Variants in NCEH1 observed in about 807,000 individuals in gnomAD.
NCEH1 encodes the protein 2-acetyl MAGE hydrolase.
NCEH1 carries 9 observed loss-of-function variants against 25.4 expected under a neutral mutation model. The ratio of observed to expected loss-of-function variants is 0.35; its 90% CI spans 0.21 to 0.62. NCEH1 has a LOEUF of 0.62. Among genes scored for constraint, NCEH1 ranks in the 20% least tolerant of loss-of-function variants. The pLI is 0.72. For synonymous variants in NCEH1, 200 were observed against 199.8 expected (o/e 1.00, Z -0.01); for missense variants, 412 against 501.1 (o/e 0.82, Z 1.70).
intron 1 of NCEH1, chr3:172,680,776 A>C (rs1712322604): frequency 6.6e-6 from 1 of 152,396 alleles, no homozygotes; most frequent in Non-Finnish European, 1.5e-5. Context: ...TGGGAGTCAT[A>C]GATTAAGCGT....
chr3:172,702,627 T>TA (rs1270418873), intron 1 of NCEH1, among the ~76,000 whole-genome samples: 1 of 152,234 alleles, frequency 6.6e-6, no homozygotes, highest in Non-Finnish European at 1.5e-5. Context: ...GAGAGCTTGT[T>TA]AAAATTTCAC....
chr3:172,665,074 G>A (rs542754762), intron 1 of NCEH1, among the ~76,000 whole-genome samples: 15 of 152,260 alleles, frequency 9.9e-5, no homozygotes, highest in South Asian at 6.2e-4. Context: ...TTTCTGCTCT[G>A]GTTTCTCCCC....
chr3:172,699,205 A>G (rs1713548919), intron 1 of NCEH1, among the ~76,000 whole-genome samples: 1 of 152,104 alleles, frequency 6.6e-6, no homozygotes, highest in Non-Finnish European at 1.5e-5. Context: ...TGCGTGGGAT[A>G]TTGCCCAAAG....
intron 1 of NCEH1, among the ~76,000 whole-genome samples, chr3:172,695,696 C>T (rs1413861681): frequency 6.6e-6 from 1 of 152,130 alleles, no homozygotes; most frequent in East Asian, 1.9e-4. Context: ...GTAGTCCCAG[C>T]ACTTTGGGAG....
At chr3:172,668,742 C>T (rs960144998) in intron 1 of NCEH1, among the ~76,000 whole-genome samples, 20 of 151,918 alleles carry the variant, frequency 1.3e-4, no homozygotes, top group Non-Finnish European at 2.6e-4. Flanking sequence ...CCACTGTTAA[C>T]GTGTTTTCTG....
intron 1 of NCEH1, among the ~76,000 whole-genome samples, chr3:172,703,880 T>C (rs936968222): frequency 2.0e-5 from 3 of 152,202 alleles, no homozygotes; most frequent in African/African-American, 7.2e-5. Context: ...TAACACTGAT[T>C]AAATAATGCC....
chr3:172,662,222 T>C (rs529932474), intron 1 of NCEH1, among the ~76,000 whole-genome samples: 5 of 152,360 alleles, frequency 3.3e-5, no homozygotes, highest in African/African-American at 1.2e-4. Context: ...TCTATTGAGA[T>C]AATCATGTGG....
chr3:172,704,974 A>G (rs1406437118), intron 1 of NCEH1, among the ~76,000 whole-genome samples: 1 of 152,240 alleles, frequency 6.6e-6, no homozygotes, highest in Non-Finnish European at 1.5e-5. Context: ...ATCCATGTTA[A>G]GTCTAGGTAA....
intron 1 of NCEH1, among the ~76,000 whole-genome samples, chr3:172,655,163 G>A (rs186790227): frequency 6.6e-6 from 1 of 152,282 alleles, no homozygotes; most frequent in East Asian, 1.9e-4. Flanking sequence ...GGGAAATCCA[G>A]GAACACACAG....
intron 1 of NCEH1, among the ~76,000 whole-genome samples, chr3:172,661,979 C>T (rs918746540): frequency 8.5e-5 from 13 of 152,170 alleles, no homozygotes; most frequent in Non-Finnish European, 1.6e-4. Context: ...TGCCTGATTG[C>T]CCTGGCCAGA....
rs750930957 is a variant in NCEH1 at position 172,710,937 on chromosome 3, G to C, written c.48C>G (p.Ala16=). ...VLLTALVALA[A]YYVYIPLPGS... ...CAGGCAGCGGGATGTAGACGTAATA[G>C]GCGGCCAGCGCCACCAGGGCGGTGA... Residue 16 remains alanine, a synonymous_variant, in exon 1 of 5, where the codon GCC becomes GCG. Coordinates refer to ENST00000475381, the MANE Select transcript of NCEH1 (RefSeq NM_020792.6). 54 of 1,614,070 alleles carry C rather than the reference G, an allele frequency of 3.3e-5. No individual in the cohort carries two copies. Among genetic ancestry groups the C allele is most frequent in the Non-Finnish European group, 4.4e-5 (52 of 1,180,050 alleles).
chr3:172,710,765 G>A, intron 1 of NCEH1, 82 bp downstream of exon 1: 2 of 1,515,776 alleles, frequency 1.3e-6, no homozygotes, highest in East Asian at 2.4e-5. Flanking sequence ...CGTTTTCGTG[G>A]AACCCGGCGG....
chr3:172,689,871 AT>A (rs1165596830), intron 1 of NCEH1, among the ~76,000 whole-genome samples: 2 of 150,524 alleles, frequency 1.3e-5, no homozygotes, highest in African/African-American at 2.4e-5. Context: ...CCCCTCAAGC[AT>A]TTTTTTATTT....
chr3:172,706,030 A>AC (rs1713964671), intron 1 of NCEH1, among the ~76,000 whole-genome samples: 1 of 150,236 alleles, frequency 6.7e-6, no homozygotes, highest in African/African-American at 2.5e-5. Flanking sequence ...AAAAAAAAAA[A>AC]AACCCATGTC....
chr3:172,680,443 C>T (rs1553836548), intron 1 of NCEH1, among the ~76,000 whole-genome samples: 1 of 152,192 alleles, frequency 6.6e-6, no homozygotes, highest in Non-Finnish European at 1.5e-5. Context: ...TCTTCATGCT[C>T]TCCATGTCAA....
intron 1 of NCEH1, among the ~76,000 whole-genome samples, chr3:172,674,660 G>C (rs1170372308): frequency 6.6e-6 from 1 of 151,894 alleles, no homozygotes; most frequent in Non-Finnish European, 1.5e-5. Flanking sequence ...GTTATATCTT[G>C]GCAAGTAAAA....
chr3:172,696,814 A>T (rs956692238), intron 1 of NCEH1, among the ~76,000 whole-genome samples: 1 of 152,226 alleles, frequency 6.6e-6, no homozygotes, highest in Non-Finnish European at 1.5e-5. Flanking sequence ...TAAGATTCAA[A>T]ATACATATTA....
At chr3:172,702,371 T>C (rs1419460081) in intron 1 of NCEH1, among the ~76,000 whole-genome samples, 1 of 152,238 alleles carries the variant, frequency 6.6e-6, no homozygotes, top group Non-Finnish European at 1.5e-5. Flanking sequence ...GTTTCCCCAG[T>C]GCCCAGGTCC....
At chr3:172,673,872 C>T (rs1357062251) in intron 1 of NCEH1, among the ~76,000 whole-genome samples, 7 of 152,314 alleles carry the variant, frequency 4.6e-5, no homozygotes, top group African/African-American at 1.7e-4. Flanking sequence ...CGGCGACAGT[C>T]AGGATGGCAA....
Sources: gnomAD v4.1 joint callset for allele counts (sites outside exome capture counted in the v4.1 genomes callset) on GRCh38, gnomAD v4.1.1 for gene constraint, MANE v1.5 for transcripts, NCBI Gene and HGNC (gene_info 2026-07-23, HGNC 2026-07-21) for gene names.